The following GFM2 variants were observed in gnomAD, a reference collection of about 807,000 sequenced individuals.
GFM2 encodes the protein GTP dependent ribosome recycling factor mitochondrial 2.
A neutral mutation model predicts 95.4 loss-of-function variants in GFM2; 72 were observed. The ratio of observed to expected loss-of-function variants is 0.76; its 90% CI spans 0.62 to 0.92. GFM2 has a LOEUF of 0.92. Among genes scored for constraint, GFM2 ranks in the 40% least tolerant of loss-of-function variants. The pLI, the probability that GFM2 is intolerant of heterozygous loss-of-function variation, is 0.00. For synonymous variants in GFM2, 276 were observed against 317.5 expected, an observed-to-expected ratio of 0.87 and a Z score of 1.39; for missense variants, 825 against 924.1, an observed-to-expected ratio of 0.89 and a Z score of 1.39.
intron 2 of GFM2, 59 bp from the exon 3 acceptor site, chr5:74,761,045 G>A: frequency 1.1e-6 from 1 of 915,710 alleles, no homozygotes; most frequent in Non-Finnish European, 1.8e-6. Context: ...TTATTACAGT[G>A]TTAATATTGT....
At chr5:74,728,770 T>TTTTTTTTATA (rs756604027) in intron 17 of GFM2, among the ~76,000 whole-genome samples, 1 of 113,794 alleles carries the variant, frequency 8.8e-6, no homozygotes, top group African/African-American at 4.1e-5. Context: ...TTTTTTTTTT[T>TTTTTTTTATA]TTTTGAGATG....
At chr5:74,755,747 G>C (rs1743946311) in intron 5 of GFM2, among the ~76,000 whole-genome samples, 1 of 152,124 alleles carries the variant, frequency 6.6e-6, no homozygotes, top group African/African-American at 2.4e-5. Context: ...AACAAAAAAA[G>C]TCTAGGACCA....
chr5:74,759,400 G>T lies in GFM2; in HGVS notation c.175C>A (p.Leu59Ile). The T allele has an allele frequency of 6.5e-7, 1 of 1,537,032 alleles. No individual in the cohort carries two copies. Among genetic ancestry groups the T allele is most frequent in the South Asian group, 1.1e-5 (1 of 87,860 alleles). Residue 59 changes from leucine (L) to isoleucine (I), a missense_variant, in exon 4 of 21, where the codon CTT becomes ATT. Physicochemically the swap from Leu to Ile is conservative, Grantham distance 5 (BLOSUM62 2). Transcript: ENST00000296805. ...ATGGGAGGATTGATGATGGAATGAA[G>T]GGATTTGATATCATTTCCTATTAAG... The part of the protein sequence containing the change: ...PGLIGNDIKS[L>I]HSIINPPIAK...
chr5:74,722,293 T>C, intron 20 of GFM2, 86 bp downstream of exon 20: 1 of 1,073,292 alleles, frequency 9.3e-7, no homozygotes, highest in Non-Finnish European at 1.4e-6. Flanking sequence ...TTAATGTTTC[T>C]TTCAGGTTAC....
intron 10 of GFM2, among the ~76,000 whole-genome samples, chr5:74,744,527 T>C (rs1484664070): frequency 1.3e-5 from 2 of 152,146 alleles, no homozygotes; most frequent in Admixed American, 6.5e-5. Context: ...TATTGCCATA[T>C]ATACTAACAA....
Position 74,733,059 on chromosome 5 carries a change from G to C in GFM2, c.1550C>G (p.Pro517Arg), listed in dbSNP as rs753427380. The C allele has an allele frequency of 6.2e-7, 1 of 1,611,994 alleles. No homozygotes were observed. Among genetic ancestry groups the C allele is most frequent in the South Asian group, 1.1e-5 (1 of 91,010 alleles). ...HALKCLQREDPSLKVRLDPDS... is the reference protein window; with the variant it reads ...HALKCLQREDRSLKVRLDPDS... ...AGGATCTAGCCTCACTTTCAAACTG[G>C]GATCTTCACGCTGAAGACATTTCAA... is the stretch of plus-strand genomic sequence containing the variant. The change falls in exon 16 of 21, where the codon CCC becomes CGC. Residue 517 changes from proline (P) to arginine (R), a missense_variant. Physicochemically the swap from Pro to Arg is moderately radical, Grantham distance 103. Coordinates refer to ENST00000296805, the MANE Select transcript of GFM2 (RefSeq NM_032380.5).
intron 17 of GFM2, among the ~76,000 whole-genome samples, chr5:74,729,555 G>C (rs772892173): frequency 5.9e-5 from 9 of 152,152 alleles, no homozygotes; most frequent in Non-Finnish European, 7.4e-5. Context: ...AGTCCAGAAA[G>C]AGAACGCCTC....
chr5:74,725,795 G>A (rs747656336), intron 18 of GFM2, 40 bp from the exon 19 acceptor site: 2 of 1,503,388 alleles, frequency 1.3e-6, no homozygotes, highest in Non-Finnish European at 1.9e-6. Context: ...TCTGCTAGAT[G>A]TGAAGTGAGA....
Position 74,730,345 on chromosome 5 carries a change from G to C in GFM2, c.1641C>G (p.Ile547Met). 3 of 1,612,314 alleles carry C rather than the reference G, an allele frequency of 1.9e-6. No homozygotes were observed. Among genetic ancestry groups the C allele is most frequent in the Non-Finnish European group, 2.5e-6 (3 of 1,178,586 alleles). ...AGGTCTCCAGTCCATATTCCCTCTT[G>C]ATTCGATCATGAATAATCTCTATAT... ...ELHIEIIHDR[I>M]KREYGLETYL... The change falls in exon 17 of 21, where the codon ATC becomes ATG. Residue 547 changes from isoleucine to methionine, a missense_variant. Transcript: ENST00000296805.
intron 10 of GFM2, 148 bp from the exon 11 acceptor site, chr5:74,741,757 TAAAG>T (rs1055457470): frequency 1.1e-5 from 5 of 453,038 alleles, no homozygotes; most frequent in South Asian, 6.0e-5. Flanking sequence ...TCTAAAGAGA[TAAAG>T]AAAAATGTTT....
chr5:74,738,740 T>A, intron 12 of GFM2, 98 bp from the exon 13 acceptor site: 1 of 1,021,806 alleles, frequency 9.8e-7, no homozygotes, highest in Non-Finnish European at 1.4e-6. Context: ...TATCTTCTAG[T>A]AGAGCTACTT....
In GFM2 at chr5:74,721,468, C is replaced by T. The variant is rs1749874989; in HGVS notation, c.*187G>A. 1.4e-6 allele frequency: 1 copy of T among 720,048 alleles called. No homozygotes were observed. Among genetic ancestry groups the T allele is most frequent in the Non-Finnish European group, 2.4e-6 (1 of 417,864 alleles). 44.6% of individuals were successfully genotyped at this position (720,048 alleles called of 1,614,324 possible). ...TGGCTTTAAACATCAAAGCACATTT[C>T]TCATTATATAAATTAAAACGGGTGG... On this transcript the variant is annotated 3_prime_UTR_variant, in exon 21 of 21. Coordinates refer to ENST00000296805, the MANE Select transcript of GFM2 (RefSeq NM_032380.5).
intron 19 of GFM2, among the ~76,000 whole-genome samples, chr5:74,724,187 G>T (rs772392855): frequency 7.2e-5 from 11 of 152,134 alleles, no homozygotes; most frequent in Non-Finnish European, 1.6e-4. Flanking sequence ...AAAGGCAAAT[G>T]AACATGGAAA....
intron 15 of GFM2, among the ~76,000 whole-genome samples, chr5:74,736,144 G>T (rs1742819326): frequency 6.6e-6 from 1 of 152,140 alleles, no homozygotes; most frequent in African/African-American, 2.4e-5. Context: ...CCAATTCAAG[G>T]CTTCTGTTAG....
intron 3 of GFM2, among the ~76,000 whole-genome samples, chr5:74,760,129 T>G (rs978473362): frequency 6.6e-6 from 1 of 152,170 alleles, no homozygotes; most frequent in South Asian, 2.1e-4. Flanking sequence ...AAACCATTTC[T>G]CCCATGTTTC....
intron 17 of GFM2, among the ~76,000 whole-genome samples, chr5:74,727,140 C>T (rs999416888): frequency 2.0e-5 from 3 of 152,080 alleles, no homozygotes; most frequent in Admixed American, 2.0e-4. Flanking sequence ...TGTATGCCAG[C>T]CTGCTCAACA....
chr5:74,732,113 C>T (rs1022135146), intron 16 of GFM2, among the ~76,000 whole-genome samples: 4 of 148,640 alleles, frequency 2.7e-5, no homozygotes, highest in African/African-American at 9.9e-5. Context: ...TGCCATCATG[C>T]CTGGCTAATT....
chr5:74,755,682 C>T (rs1332881824), intron 5 of GFM2, among the ~76,000 whole-genome samples: 1 of 151,978 alleles, frequency 6.6e-6, no homozygotes. Context: ...CAGGAAGAAA[C>T]AGAAACTGAA....
chr5:74,763,400 A>G (rs1744382433), intron 2 of GFM2, among the ~76,000 whole-genome samples: 1 of 152,256 alleles, frequency 6.6e-6, no homozygotes, highest in Non-Finnish European at 1.5e-5. Context: ...ATTCTTAGAT[A>G]TAAAACCCTA....
Sources: allele counts gnomAD v4.1 joint callset (sites outside exome capture counted in the v4.1 genomes callset), GRCh38; gene constraint gnomAD v4.1.1; transcripts MANE v1.5; gene names NCBI Gene and HGNC (gene_info 2026-07-23, HGNC 2026-07-21).